The following TENM2 variants were observed in gnomAD, a reference collection of about 807,000 sequenced individuals.
The protein encoded by TENM2 is teneurin transmembrane protein 2.
In TENM2, 52 loss-of-function variants were observed where a neutral mutation model predicts 245.2. That is an observed-to-expected ratio of 0.21 (90% CI 0.17 to 0.27). The LOEUF (loss-of-function observed/expected upper bound fraction) is 0.27. TENM2 is among the 10% of genes least tolerant of loss of function. The pLI, the probability that TENM2 is intolerant of heterozygous loss-of-function variation, is 1.00. For synonymous variants in TENM2, 1,363 were observed against 1,438.9 expected, an observed-to-expected ratio of 0.95 and a Z score of 1.19; for missense variants, 3,046 against 3,666.8, an observed-to-expected ratio of 0.83 and a Z score of 4.37.
the TENM2 span, among the ~76,000 whole-genome samples, chr5:167,129,976 C>T: frequency 0.017 from 2,536 of 152,144 alleles, 55 homozygotes; most frequent in African/African-American, 0.052. Flanking sequence ...TGTTCCATAA[C>T]CATGGAGCAG....
chr5:167,845,759 C>T (rs76129479), intron 2 of TENM2, among the ~76,000 whole-genome samples: 2,424 of 152,280 alleles, frequency 0.016, 58 homozygotes, highest in African/African-American at 0.053. Flanking sequence ...AAACACTCTT[C>T]GCTGATTATC....
chr5:167,732,807 C>T (rs1276200439), intron 2 of TENM2, among the ~76,000 whole-genome samples: 1 of 152,138 alleles, frequency 6.6e-6, no homozygotes, highest in Non-Finnish European at 1.5e-5. Context: ...ATAGATGTGC[C>T]AAATATGACA....
intron 2 of TENM2, among the ~76,000 whole-genome samples, chr5:167,777,748 G>A (rs1763911457): frequency 6.6e-6 from 1 of 152,110 alleles, no homozygotes; most frequent in Admixed American, 6.5e-5. Context: ...GTCTTGTTTA[G>A]TATTATTTTT....
At chr5:167,429,605 CTCTTTTT>C (rs1264273750) in intron 2 of TENM2, among the ~76,000 whole-genome samples, 4 of 132,264 alleles carry the variant, frequency 3.0e-5, no homozygotes, top group Non-Finnish European at 6.2e-5. Flanking sequence ...CTCTCTCTCT[CTCTTTTT>C]TTTTTTTTTT....
At chr5:167,461,509 G>A (rs1050597120) in intron 2 of TENM2, among the ~76,000 whole-genome samples, 3 of 152,122 alleles carry the variant, frequency 2.0e-5, no homozygotes, top group Non-Finnish European at 2.9e-5. Flanking sequence ...ACACTGTGAT[G>A]CCAACGTGCT....
intron 2 of TENM2, among the ~76,000 whole-genome samples, chr5:167,470,454 C>CTTTTTTTTTTTTTTTTCTTTTTTTTT (rs1766943864): frequency 2.1e-5 from 1 of 47,394 alleles, no homozygotes; most frequent in South Asian, 1.2e-3. Flanking sequence ...GCAATGCTTG[C>CTTTTTTTTTTTTTTTTCTTTTTTTTT]TTTTTTTTTT....
At chr5:168,181,967 G>T (rs1480659432) in intron 13 of TENM2, among the ~76,000 whole-genome samples, 1 of 152,078 alleles carries the variant, frequency 6.6e-6, no homozygotes, top group Non-Finnish European at 1.5e-5. Flanking sequence ...GTGAGCCACC[G>T]CACCCAGCCC....
At chr5:167,086,699 A>G in the TENM2 span, among the ~76,000 whole-genome samples, 11 of 152,120 alleles carry the variant, frequency 7.2e-5, no homozygotes, top group African/African-American at 1.9e-4. Context: ...TTGTGCATCT[A>G]TTGCATCTGT....
chr5:168,151,059 C>T (rs1581458692), intron 12 of TENM2, among the ~76,000 whole-genome samples: 1 of 151,764 alleles, frequency 6.6e-6, no homozygotes, highest in African/African-American at 2.4e-5. Flanking sequence ...CTGGCTCTCT[C>T]TTGCTCCACC....
At chr5:168,183,161 A>AC (rs1447582508) in intron 13 of TENM2, among the ~76,000 whole-genome samples, 4 of 150,406 alleles carry the variant, frequency 2.7e-5, no homozygotes, top group African/African-American at 9.8e-5. Flanking sequence ...GCCACCCCTC[A>AC]CCCCCACTCC....
rs1045936689 is a variant in TENM2, at chr5:167,630,881, A to G, written c.503-245105A>G. 5.3e-5 allele frequency among the ~76,000 whole-genome samples: 8 copies of G among 152,228 alleles called. No individual in the cohort carries two copies. In the East Asian group the frequency reaches 9.6e-4, roughly 18 times the overall value. On this transcript the variant is annotated intron_variant, in intron 2 of 28. Transcript: ENST00000518659. ...GGAAATTGTCACCTGAGGCAAAATT[A>G]TACAGAAGATTGATTTATTTTCAGT...
intron 12 of TENM2, among the ~76,000 whole-genome samples, chr5:168,138,631 GA>G (rs1755268735): frequency 6.6e-6 from 1 of 152,236 alleles, no homozygotes. Context: ...AGCACAGGGA[GA>G]GAGAGGAAAG....
At chr5:167,515,119 A>G (rs774762168) in intron 2 of TENM2, among the ~76,000 whole-genome samples, 7 of 152,156 alleles carry the variant, frequency 4.6e-5, no homozygotes, top group Non-Finnish European at 7.3e-5. Flanking sequence ...TTGTGAAGGT[A>G]TTTTTGCTCC....
At chr5:167,548,920 G>A (rs1772749427) in intron 2 of TENM2, among the ~76,000 whole-genome samples, 1 of 152,172 alleles carries the variant, frequency 6.6e-6, no homozygotes, top group Non-Finnish European at 1.5e-5. Flanking sequence ...ATTAAAATAA[G>A]TAGTGCTAAT....
At chr5:167,292,069 C>T (rs562438423) in intron 1 of TENM2, among the ~76,000 whole-genome samples, 1 of 152,132 alleles carries the variant, frequency 6.6e-6, no homozygotes, top group Non-Finnish European at 1.5e-5. Context: ...CATCAAATCT[C>T]ATGAGACTTA....
intron 19 of TENM2, among the ~76,000 whole-genome samples, chr5:168,211,162 T>C (rs1762776109): frequency 6.6e-6 from 1 of 152,180 alleles, no homozygotes; most frequent in Admixed American, 6.5e-5. Flanking sequence ...GTTCAGAGTC[T>C]CAGGGTTCAA....
chr5:167,895,786 G>T (rs1775168479), intron 3 of TENM2, among the ~76,000 whole-genome samples: 1 of 152,200 alleles, frequency 6.6e-6, no homozygotes, highest in Non-Finnish European at 1.5e-5. Flanking sequence ...CCTGTTTAAT[G>T]ATCTTTGCAA....
chr5:167,142,041 T>C, the TENM2 span, among the ~76,000 whole-genome samples: 1 of 152,148 alleles, frequency 6.6e-6, no homozygotes, highest in Non-Finnish European at 1.5e-5. Flanking sequence ...GATGAAACCA[T>C]ATTAACATTG....
Position 167,452,948 on chromosome 5 carries a change from T to TTTTTTTTTTTTTAA in TENM2, c.502+77475_502+77476insTTTTTTTTTTTTAA, listed in dbSNP as rs1554157741. Among the ~76,000 whole-genome samples the TTTTTTTTTTTTTAA allele has an allele frequency of 3.2e-4, 15 of 47,510 alleles. 3 individuals carry two copies. The highest frequency in any genetic ancestry group is 9.4e-4 in the African/African-American group (14 of 14,894). The allele number at this position is 47,510 out of a possible 152,430, so 31.2% of individuals were successfully genotyped here. On this transcript the variant is annotated intron_variant, in intron 2 of 28. Coordinates refer to ENST00000518659, the Ensembl canonical transcript of TENM2. ...AGTATGATTTATATATATATATATA[T>TTTTTTTTTTTTTAA]ATATATATATATATTTAAAAAAAAA...
Sources: gnomAD v4.1 joint callset for allele counts (sites outside exome capture counted in the v4.1 genomes callset) on GRCh38, gnomAD v4.1.1 for gene constraint, MANE v1.5 for transcripts, NCBI Gene and HGNC (gene_info 2026-07-23, HGNC 2026-07-21) for gene names.